The following CTNNA1 variants were observed in gnomAD, a reference collection of about 807,000 sequenced individuals.
The protein encoded by CTNNA1 is catenin alpha 1.
A neutral mutation model predicts 98.4 loss-of-function variants in CTNNA1; 37 were observed. The ratio of observed to expected loss-of-function variants is 0.38; its 90% confidence interval spans 0.29 to 0.49. The LOEUF (loss-of-function observed/expected upper bound fraction) is 0.49, where lower values mean the gene tolerates loss of function less well. Ranked by LOEUF, CTNNA1 falls within the 20% of genes least tolerant of loss-of-function variation. The pLI is 0.95. For synonymous variants in CTNNA1, 404 were observed against 413.2 expected (o/e 0.98, Z 0.27); for missense variants, 761 against 1,147.2 (o/e 0.66, Z 4.86).
At chr5:138,856,044 T>C (rs1009456298) in intron 7 of CTNNA1, among the ~76,000 whole-genome samples, 1 of 152,224 alleles carries the variant, frequency 6.6e-6, no homozygotes, top group African/African-American at 2.4e-5. Flanking sequence ...CTGAAACTTG[T>C]TGATACATAT....
intron 10 of CTNNA1, among the ~76,000 whole-genome samples, chr5:138,905,586 C>T (rs13359318): frequency 0.023 from 3,481 of 152,332 alleles, 135 homozygotes; most frequent in African/African-American, 0.081. Context: ...GAAGTGAAAG[C>T]TCAAGAACTT....
At position 138,875,602 on chromosome 5, in the gene CTNNA1, GT is replaced by G. The variant is rs1425399180; in HGVS notation, c.1063-10608del. On this transcript the variant is annotated intron_variant, in intron 7 of 17. Coordinates refer to ENST00000302763, the MANE Select transcript of CTNNA1 (RefSeq NM_001903.5). ...TCAAGAAGACCCATCTGAACAGTGA[GT>G]TGGGTTAGCAGAGTGATGATTTTTA... The G allele has an allele frequency of 9.1e-6, 9 of 985,362 alleles. No homozygotes were observed. The Admixed American group carries it at 5.5e-4, about 61-fold the overall frequency. 61.0% of individuals were successfully genotyped at this position (985,362 alleles called of 1,614,324 possible).
chr5:138,855,266 T>C (rs1763631662), intron 7 of CTNNA1, among the ~76,000 whole-genome samples: 1 of 152,256 alleles, frequency 6.6e-6, no homozygotes, highest in African/African-American at 2.4e-5. Context: ...CTCGAACTCC[T>C]GATCTTGTGA....
intron 5 of CTNNA1, among the ~76,000 whole-genome samples, chr5:138,816,490 C>T (rs1759444491): frequency 6.6e-6 from 1 of 152,096 alleles, no homozygotes; most frequent in Non-Finnish European, 1.5e-5. Flanking sequence ...ACATTCCCAC[C>T]ATCAGTGTAT....
intron 10 of CTNNA1, among the ~76,000 whole-genome samples, chr5:138,914,153 T>C (rs1761256992): frequency 6.6e-6 from 1 of 152,378 alleles, no homozygotes; most frequent in East Asian, 1.9e-4. Context: ...CTCATTATAC[T>C]GTATGCGATA....
chr5:138,847,004 A>G (rs543824789), intron 7 of CTNNA1, among the ~76,000 whole-genome samples: 1 of 152,284 alleles, frequency 6.6e-6, no homozygotes, highest in African/African-American at 2.4e-5. Context: ...ACATGTTTGG[A>G]TTATTATTTG....
At chr5:138,761,576 T>G (rs1460848116) in intron 1 of CTNNA1, among the ~76,000 whole-genome samples, 1 of 148,972 alleles carries the variant, frequency 6.7e-6, no homozygotes, top group Non-Finnish European at 1.5e-5. Flanking sequence ...AATTTTATTG[T>G]GCATAAAAGG....
chr5:138,887,664 T>C (rs1754370263), intron 9 of CTNNA1, 22 bp downstream of exon 9: 1 of 1,596,588 alleles, frequency 6.3e-7, no homozygotes, highest in African/African-American at 1.3e-5. Context: ...AGCAGTTTCA[T>C]TGACTTGTAG....
At position 138,870,057 on chromosome 5, in the gene CTNNA1, T is replaced by TATTTTTCTGGTTCTTAATGGTC. The variant is rs1283199045; in HGVS notation, c.1063-16149_1063-16128dup. 5 of 152,444 alleles carry TATTTTTCTGGTTCTTAATGGTC rather than the reference T, an allele frequency of 3.3e-5. No homozygotes were observed. In the East Asian group the frequency reaches 9.6e-4, roughly 29 times the overall value. 9.4% of individuals were successfully genotyped at this position (152,444 alleles called of 1,614,324 possible). ...CTTTCCTTTTTCCAGAGAGATTAATTATTTTTCTGGTTCTTAATGGTCATT... is the reference window on the plus strand; with the variant it reads ...CTTTCCTTTTTCCAGAGAGATTAATTATTTTTCTGGTTCTTAATGGTCATTTTTCTGGTTCTTAATGGTCATT... On this transcript the variant is annotated intron_variant, in intron 7 of 17. Transcript: ENST00000302763.
At chr5:138,917,534 T>C (rs1465057037) in intron 10 of CTNNA1, among the ~76,000 whole-genome samples, 3 of 95,054 alleles carry the variant, frequency 3.2e-5, no homozygotes, top group Non-Finnish European at 8.6e-5. Flanking sequence ...GTACAGTTTT[T>C]ATTTGTTTTA....
intron 7 of CTNNA1, among the ~76,000 whole-genome samples, chr5:138,865,595 G>C (rs1764679593): frequency 6.6e-6 from 1 of 152,162 alleles, no homozygotes; most frequent in African/African-American, 2.4e-5. Flanking sequence ...GGCCAAATTG[G>C]TGTATAGTGT....
At chr5:138,865,029 G>A (rs1764619153) in intron 7 of CTNNA1, among the ~76,000 whole-genome samples, 1 of 152,062 alleles carries the variant, frequency 6.6e-6, no homozygotes, top group Non-Finnish European at 1.5e-5. Flanking sequence ...GGCCAGGCTG[G>A]TCTTGAACTC....
At chr5:138,888,011 T>C (rs2150036023) in intron 9 of CTNNA1, among the ~76,000 whole-genome samples, 1 of 152,300 alleles carries the variant, frequency 6.6e-6, no homozygotes, top group South Asian at 2.1e-4. Context: ...AACCTAACCT[T>C]CCTCAATTGC....
rs36097366 is a variant in CTNNA1, at chr5:138,924,295, TA to T, written c.1547-210del. ...TTTTTATTTTTTGTTTTTTTTTTTT[TA>T]AAAACCTGGAATGAAGATTGTTATT... is the stretch of plus-strand genomic sequence containing the variant. On this transcript the variant is annotated intron_variant, in intron 11 of 17. Coordinates refer to ENST00000302763, the MANE Select transcript of CTNNA1 (RefSeq NM_001903.5). 0.039 allele frequency among the ~76,000 whole-genome samples: 5,509 copies of T among 139,540 alleles called. 337 individuals are homozygous for T. Among genetic ancestry groups the T allele is most frequent in the African/African-American group, 0.13 (5,217 of 39,470 alleles). 91.5% of individuals were successfully genotyped at this position (139,540 alleles called of 152,430 possible). A position where few individuals can be genotyped will look rare whatever the true frequency, so the allele number is the denominator to read the frequency against.
intron 1 of CTNNA1, among the ~76,000 whole-genome samples, chr5:138,775,895 T>G (rs1439792286): frequency 6.6e-6 from 1 of 151,398 alleles, no homozygotes; most frequent in Non-Finnish European, 1.5e-5. Context: ...GCTAATTTTT[T>G]TTTTGTATTT....
chr5:138,864,285 G>A (rs562353457), intron 7 of CTNNA1, among the ~76,000 whole-genome samples: 22 of 152,182 alleles, frequency 1.4e-4, no homozygotes, highest in African/African-American at 4.8e-4. Context: ...TCACTGTGTT[G>A]CCCACCAGTC....
chr5:138,852,251 C>A (rs549721360), intron 7 of CTNNA1, among the ~76,000 whole-genome samples: 1 of 152,142 alleles, frequency 6.6e-6, no homozygotes, highest in South Asian at 2.1e-4. Flanking sequence ...CAGTGTAACC[C>A]ATGAAGATGA....
intron 7 of CTNNA1, among the ~76,000 whole-genome samples, chr5:138,854,658 G>A (rs1763561043): frequency 6.6e-6 from 1 of 152,202 alleles, no homozygotes; most frequent in African/African-American, 2.4e-5. Context: ...CTCTCTATTA[G>A]AAAAACATTT....
At chr5:138,917,923 G>GTT (rs752049532) in intron 11 of CTNNA1, 25 bp downstream of exon 11, 3 of 1,610,622 alleles carry the variant, frequency 1.9e-6, no homozygotes, top group Non-Finnish European at 2.5e-6. Context: ...CCCCAGAGAA[G>GTT]TATGTGAAGA....
Sources: gnomAD v4.1 joint callset for allele counts (sites outside exome capture counted in the v4.1 genomes callset) on GRCh38, gnomAD v4.1.1 for gene constraint, MANE v1.5 for transcripts, NCBI Gene and HGNC (gene_info 2026-07-23, HGNC 2026-07-21) for gene names.